Variants in AMMECR1 observed in about 807,000 individuals in gnomAD.
AMMECR1 encodes nuclear protein AMMECR1.
A neutral mutation model predicts 22.5 loss-of-function variants in AMMECR1; 3 were observed. The observed-to-expected ratio is 0.13, with a 90% CI of 0.06 to 0.35. The LOEUF (loss-of-function observed/expected upper bound fraction) is 0.35, where lower values mean the gene tolerates loss of function less well. Ranked by LOEUF, AMMECR1 falls within the 10% of genes least tolerant of loss-of-function variation. The probability of loss-of-function intolerance (pLI) is 1.00; values close to 1 mark genes in which losing one functional copy is unlikely to be tolerated. For synonymous variants in AMMECR1, 130 were observed against 116.7 expected (o/e 1.11, Z -0.74); for missense variants, 235 against 278.7 (o/e 0.84, Z 1.12).
intron 2 of AMMECR1, among the ~76,000 whole-genome samples, chrX:110,409,158 C>T (rs193121867): frequency 1.2e-3 from 129 of 110,269 alleles, no homozygotes; most frequent in African/African-American, 4.0e-3. Context: ...TCAGCATAGT[C>T]GGGGTATATA....
chrX:110,233,609 A>G (rs2067582477), intron 2 of AMMECR1, among the ~76,000 whole-genome samples: 1 of 112,423 alleles, frequency 8.9e-6, no homozygotes, highest in African/African-American at 3.2e-5. Context: ...CGAATCCAGT[A>G]GCACATCAAA....
chrX:110,336,426 G>A (rs2068141654), intron 2 of AMMECR1, among the ~76,000 whole-genome samples: 1 of 111,119 alleles, frequency 9.0e-6, no homozygotes, highest in South Asian at 3.8e-4. Flanking sequence ...GCTCACGCCT[G>A]TAATCCCAGC....
chrX:110,437,158 G>A (rs912308761), intron 1 of AMMECR1, among the ~76,000 whole-genome samples: 2 of 111,690 alleles, frequency 1.8e-5, no homozygotes, highest in African/African-American at 6.5e-5. Flanking sequence ...CTCTCTAGTG[G>A]GACTGAGAAG....
chrX:110,272,624 T>C (rs1479188858), intron 1 of AMMECR1, among the ~76,000 whole-genome samples: 2 of 111,891 alleles, frequency 1.8e-5, no homozygotes, highest in African/African-American at 3.3e-5. Context: ...ATAGTGAACA[T>C]TGAACTGGAT....
chrX:110,330,350 G>T (rs188671183), intron 2 of AMMECR1, among the ~76,000 whole-genome samples: 2 of 111,238 alleles, frequency 1.8e-5, no homozygotes, highest in East Asian at 5.7e-4. Flanking sequence ...GGAAGAAGGG[G>T]TGTTCTTTCT....
chrX:110,256,350 T>C (rs1365520943), intron 2 of AMMECR1, among the ~76,000 whole-genome samples: 1 of 112,216 alleles, frequency 8.9e-6, no homozygotes, highest in Non-Finnish European at 1.9e-5. Flanking sequence ...ATGCGGTACA[T>C]GACTATATTG....
intron 2 of AMMECR1, among the ~76,000 whole-genome samples, chrX:110,244,188 C>G (rs1268947219): frequency 8.1e-5 from 9 of 111,538 alleles, no homozygotes; most frequent in African/African-American, 2.6e-4. Flanking sequence ...TTACATCCCT[C>G]CTGTTACTAA....
chrX:110,429,729 G>T (rs946497293), intron 1 of AMMECR1, among the ~76,000 whole-genome samples: 2 of 111,291 alleles, frequency 1.8e-5, no homozygotes, highest in African/African-American at 6.6e-5. Flanking sequence ...TGTTCCACCT[G>T]TCTCGGCCTC....
chrX:110,227,195 T>C (rs1375268330), intron 2 of AMMECR1, among the ~76,000 whole-genome samples: 1 of 112,104 alleles, frequency 8.9e-6, no homozygotes, highest in Non-Finnish European at 1.9e-5. Context: ...CCTCTTTCCA[T>C]GGCAATCAAA....
rs750153551 is a variant in AMMECR1, at chrX:110,317,942, G to A, written c.130C>T (p.Leu44=). 4 of 1,197,853 alleles carry A rather than the reference G, an allele frequency of 3.3e-6. No individual in the cohort carries two copies. The East Asian group carries it at 9.0e-5, about 27-fold the overall frequency. Reference sequence around the variant, plus strand: ...CGCGTACCGGCGCCTCCTAGTCCCAGCTCCCCAGCTCGGCACTGGCTCTCT... The same window carrying A: ...CGCGTACCGGCGCCTCCTAGTCCCAACTCCCCAGCTCGGCACTGGCTCTCT... ...SGESQCRAGE[L]GLGGAGTRLN... Residue 44 remains leucine, a synonymous_variant, in exon 1 of 6, where the codon CTG becomes TTG. Transcript: ENST00000262844.
intron 2 of AMMECR1, among the ~76,000 whole-genome samples, chrX:110,328,517 G>GTTA (rs2068107290): frequency 1.1e-5 from 1 of 94,812 alleles, no homozygotes; most frequent in African/African-American, 4.1e-5. Context: ...TGCAGAACAT[G>GTTA]CAGGTTTGTA....
chrX:110,368,393 C>T (rs998422085), intron 2 of AMMECR1, among the ~76,000 whole-genome samples: 7 of 111,381 alleles, frequency 6.3e-5, no homozygotes, highest in Admixed American at 3.8e-4. Context: ...TGTCACTCTC[C>T]TCTTTGATTA....
Position 110,318,028 on chromosome X carries a change from C to A in AMMECR1, c.44G>T (p.Ser15Ile). The change falls in exon 1 of 6, where the codon AGT becomes ATT. Residue 15 changes from serine to isoleucine, a missense_variant. Physicochemically the swap from Ser to Ile is moderately radical, Grantham distance 142. Transcript: ENST00000262844. ...CCGVKKQKLS[S>I]SPPSGSGGGG... ...GCCACCCGAGCCAGAGGGGGGCGAA[C>A]TGGACAGTTTCTGCTTCTTCACCCC... 1 of 1,206,519 alleles carries A rather than the reference C, an allele frequency of 8.3e-7. No homozygotes were observed. The highest frequency in any genetic ancestry group is 1.1e-6 in the Non-Finnish European group (1 of 893,782).
chrX:110,392,540 C>T (rs2068502089), intron 2 of AMMECR1, among the ~76,000 whole-genome samples: 1 of 112,005 alleles, frequency 8.9e-6, no homozygotes, highest in Admixed American at 9.5e-5. Flanking sequence ...ACTTCGGCCT[C>T]CCAAAGGACT....
chrX:110,234,797 A>T (rs1179403923), intron 2 of AMMECR1, among the ~76,000 whole-genome samples: 1 of 111,905 alleles, frequency 8.9e-6, no homozygotes, highest in South Asian at 3.7e-4. Flanking sequence ...CTGAAACTGG[A>T]TCCCTTCCTT....
intron 1 of AMMECR1, among the ~76,000 whole-genome samples, chrX:110,433,591 A>G (rs1243399574): frequency 8.9e-6 from 1 of 112,013 alleles, no homozygotes; most frequent in Non-Finnish European, 1.9e-5. Flanking sequence ...TCATACATGT[A>G]CATGAATATA....
At chrX:110,221,616 C>A (rs943152160) in intron 2 of AMMECR1, among the ~76,000 whole-genome samples, 1 of 111,066 alleles carries the variant, frequency 9.0e-6, no homozygotes, top group Non-Finnish European at 1.9e-5. Context: ...AATAATAAAA[C>A]CTTCTTGCTG....
chrX:110,384,158 G>A (rs1309935352), intron 2 of AMMECR1, among the ~76,000 whole-genome samples: 1 of 111,391 alleles, frequency 9.0e-6, no homozygotes, highest in Non-Finnish European at 1.9e-5. Context: ...TGCTGTGTCT[G>A]TGTCTTGTCT....
intron 2 of AMMECR1, among the ~76,000 whole-genome samples, chrX:110,371,744 AC>A (rs2068340353): frequency 9.0e-6 from 1 of 110,701 alleles, no homozygotes; most frequent in Admixed American, 9.6e-5. Context: ...TGAGCCACAG[AC>A]TTTTTTTTGG....
Sources: allele counts gnomAD v4.1 joint callset (sites outside exome capture counted in the v4.1 genomes callset), GRCh38; gene constraint gnomAD v4.1.1; transcripts MANE v1.5; gene names NCBI Gene and HGNC (gene_info 2026-07-23, HGNC 2026-07-21).